GRIP1: variants seen among roughly 807,000 people sequenced by gnomAD.
GRIP1 encodes the protein glutamate receptor interacting protein 1.
In GRIP1, 45 loss-of-function variants were observed where a neutral mutation model predicts 129.9. The observed-to-expected ratio is 0.35, with a 90% CI of 0.27 to 0.44. GRIP1 has a LOEUF of 0.44. Among genes scored for constraint, GRIP1 ranks in the 20% least tolerant of loss-of-function variants. The pLI is 1.00. For synonymous variants in GRIP1, 530 were observed against 520.8 expected (o/e 1.02, Z -0.24); for missense variants, 1,196 against 1,396.8 (o/e 0.86, Z 2.29).
At chr12:66,741,054 T>C (rs2036773748) in intron 1 of GRIP1, among the ~76,000 whole-genome samples, 1 of 152,192 alleles carries the variant, frequency 6.6e-6, no homozygotes, top group Non-Finnish European at 1.5e-5. Flanking sequence ...TTGTGAAGAA[T>C]GATGCTCAGA....
intron 1 of GRIP1, among the ~76,000 whole-genome samples, chr12:66,992,607 T>TA (rs2042409900): frequency 6.6e-6 from 1 of 152,176 alleles, no homozygotes; most frequent in Admixed American, 6.5e-5. Flanking sequence ...ATTACAGAGT[T>TA]ACATTCTTCT....
At chr12:66,973,925 T>A (rs974524158) in intron 1 of GRIP1, among the ~76,000 whole-genome samples, 3 of 147,586 alleles carry the variant, frequency 2.0e-5, no homozygotes, top group African/African-American at 7.4e-5. Flanking sequence ...TTTTCTTTTT[T>A]TTTTTTTTTT....
At chr12:66,629,769 C>G (rs1236466277) in intron 1 of GRIP1, among the ~76,000 whole-genome samples, 1 of 152,140 alleles carries the variant, frequency 6.6e-6, no homozygotes, top group Admixed American at 6.5e-5. Flanking sequence ...ATACATAGAG[C>G]CTTCATTTGA....
At chr12:66,933,641 C>A (rs1168160549) in intron 1 of GRIP1, among the ~76,000 whole-genome samples, 1 of 152,174 alleles carries the variant, frequency 6.6e-6, no homozygotes, top group Non-Finnish European at 1.5e-5. Flanking sequence ...AGCCACATCT[C>A]TGCCCTCAGG....
At chr12:66,946,199 T>A (rs1271618768) in intron 1 of GRIP1, among the ~76,000 whole-genome samples, 3 of 152,226 alleles carry the variant, frequency 2.0e-5, no homozygotes, top group African/African-American at 7.2e-5. Context: ...CTTGCTCTTC[T>A]TTCCCCACTC....
intron 1 of GRIP1, among the ~76,000 whole-genome samples, chr12:66,698,770 A>G (rs2035251386): frequency 6.6e-6 from 1 of 152,166 alleles, no homozygotes; most frequent in South Asian, 2.1e-4. Context: ...AGTAGGTGGA[A>G]GCACCACTCA....
intron 1 of GRIP1, among the ~76,000 whole-genome samples, chr12:66,962,572 G>A (rs2041937487): frequency 6.6e-6 from 1 of 152,044 alleles, no homozygotes; most frequent in African/African-American, 2.4e-5. Context: ...ATGAAGCCAC[G>A]GCATTAAGGC....
chr12:66,487,027 G>A (rs999654901), intron 7 of GRIP1, among the ~76,000 whole-genome samples: 1 of 152,084 alleles, frequency 6.6e-6, no homozygotes, highest in African/African-American at 2.4e-5. Context: ...CAGACCTCAA[G>A]TGATCCTCCC....
chr12:66,815,556 T>C (rs2039190628), intron 1 of GRIP1, among the ~76,000 whole-genome samples: 1 of 151,076 alleles, frequency 6.6e-6, no homozygotes, highest in African/African-American at 2.4e-5. Flanking sequence ...AGCCCAGGAG[T>C]TCAAGACCAG....
At chr12:66,427,796 T>G (rs1018975346) in intron 14 of GRIP1, among the ~76,000 whole-genome samples, 1 of 152,170 alleles carries the variant, frequency 6.6e-6, no homozygotes, top group Non-Finnish European at 1.5e-5. Context: ...ATTCCTTTTT[T>G]GCGGATCCTA....
chr12:67,034,394 A>G (rs766585279), intron 1 of GRIP1, among the ~76,000 whole-genome samples: 1 of 152,244 alleles, frequency 6.6e-6, no homozygotes. Context: ...GAGTGCATTT[A>G]CATAAACCTA....
chr12:67,027,815 T>G (rs1592486876), intron 1 of GRIP1, among the ~76,000 whole-genome samples: 1 of 151,964 alleles, frequency 6.6e-6, no homozygotes, highest in South Asian at 2.1e-4. Flanking sequence ...GATGGAGGGG[T>G]CCACGTTCTG....
At chr12:66,713,628 C>T (rs2035780238) in intron 1 of GRIP1, among the ~76,000 whole-genome samples, 1 of 152,034 alleles carries the variant, frequency 6.6e-6, no homozygotes, top group African/African-American at 2.4e-5. Flanking sequence ...CCACCAGACG[C>T]ATCCTTTGTT....
At chr12:66,433,320 A>G (rs544504675) in intron 13 of GRIP1, among the ~76,000 whole-genome samples, 1 of 152,296 alleles carries the variant, frequency 6.6e-6, no homozygotes, top group South Asian at 2.1e-4. Context: ...CAATCAAACT[A>G]GATGCTGACC....
intron 1 of GRIP1, among the ~76,000 whole-genome samples, chr12:66,888,421 G>A (rs1283222349): frequency 2.6e-5 from 4 of 152,100 alleles, no homozygotes; most frequent in Admixed American, 1.3e-4. Flanking sequence ...GTACAGTGGC[G>A]CGATCTCAGC....
chr12:66,783,908 C>T (rs879907495), intron 1 of GRIP1, among the ~76,000 whole-genome samples: 4 of 152,138 alleles, frequency 2.6e-5, no homozygotes, highest in Admixed American at 2.0e-4. Flanking sequence ...AGAACTGAGA[C>T]ATTTAAGAAG....
intron 1 of GRIP1, among the ~76,000 whole-genome samples, chr12:66,666,210 G>A (rs1055353817): frequency 1.3e-5 from 2 of 152,072 alleles, no homozygotes; most frequent in African/African-American, 4.8e-5. Context: ...ATAAAATGAT[G>A]ATTATGTAAA....
chr12:66,825,846 T>C (rs1214957814), intron 1 of GRIP1, among the ~76,000 whole-genome samples: 1 of 152,232 alleles, frequency 6.6e-6, no homozygotes, highest in African/African-American at 2.4e-5. Context: ...CTGGAATACT[T>C]TGACACTGTT....
rs187971648 is a variant in GRIP1, at chr12:66,788,845, G to A, written c.-420+15208C>T. Among the ~76,000 whole-genome samples, 5 of 152,164 alleles carry A rather than the reference G, an allele frequency of 3.3e-5. No individual in the cohort carries two copies. In the East Asian group the frequency reaches 5.8e-4, roughly 18 times the overall value. On this transcript the variant is annotated intron_variant, in intron 1 of 4. Transcript: ENST00000538373. Reference sequence around the variant, plus strand: ...CAGCCTTCTGAGAGACCATGAACCCGAGTATCCAGCTAAGCTGCACCAGTA... The same window carrying A: ...CAGCCTTCTGAGAGACCATGAACCCAAGTATCCAGCTAAGCTGCACCAGTA...
Sources: gnomAD v4.1 joint callset for allele counts (sites outside exome capture counted in the v4.1 genomes callset) on GRCh38, gnomAD v4.1.1 for gene constraint, MANE v1.5 for transcripts, NCBI Gene and HGNC (gene_info 2026-07-23, HGNC 2026-07-21) for gene names.